The following MGAT5 variants were observed in gnomAD, a reference collection of about 807,000 sequenced individuals.
MGAT5 encodes alpha-1,6-mannosylglycoprotein 6-beta-N-acetylglucosaminyltransferase.
A neutral mutation model predicts 94.3 loss-of-function variants in MGAT5; 30 were observed. That is an observed-to-expected ratio of 0.32 (90% CI 0.24 to 0.43). The LOEUF is 0.43. Among genes scored for constraint, MGAT5 ranks in the 20% least tolerant of loss-of-function variants. The pLI, the probability that MGAT5 is intolerant of heterozygous loss-of-function variation, is 1.00. For missense variants in MGAT5, 691 were observed against 905.5 expected (o/e 0.76, Z 3.04); for synonymous variants, 310 against 322.9 (o/e 0.96, Z 0.43).
intron 1 of MGAT5, among the ~76,000 whole-genome samples, chr2:134,140,273 G>A (rs769493877): frequency 2.6e-5 from 4 of 152,356 alleles, no homozygotes; most frequent in East Asian, 3.9e-4. Context: ...AGAAGGAGGC[G>A]GCCTGGGTGT....
At chr2:134,377,465 A>G (rs574701544) in intron 10 of MGAT5, among the ~76,000 whole-genome samples, 1 of 152,342 alleles carries the variant, frequency 6.6e-6, no homozygotes, top group Non-Finnish European at 1.5e-5. Context: ...AGAGGAGGCC[A>G]GGAAAGTTGG....
rs1488529353 is a variant in MGAT5, at chr2:134,209,141, ATT to A, written c.-142-45112_-142-45111del. Among the ~76,000 whole-genome samples, 6 of 16,082 alleles carry A rather than the reference ATT, an allele frequency of 3.7e-4. 2 individuals carry two copies. Among genetic ancestry groups the A allele is most frequent in the South Asian group, 6.9e-3 (2 of 288 alleles). 10.6% of individuals were successfully genotyped at this position (16,082 alleles called of 152,430 possible). On this transcript the variant is annotated intron_variant, in intron 1 of 16. Coordinates refer to the MGAT5 transcript ENST00000409645. The stretch of plus-strand genomic sequence containing the variant: ...GAGGGATTGTATATAGAACTGGCTT[ATT>A]TTTTTTTTATTTTTTTTTTTTTTTT...
intron 10 of MGAT5, among the ~76,000 whole-genome samples, chr2:134,380,000 A>G (rs1260800612): frequency 6.6e-6 from 1 of 152,242 alleles, no homozygotes; most frequent in Non-Finnish European, 1.5e-5. Flanking sequence ...AATGACATGA[A>G]CAGTGCTTGG....
intron 1 of MGAT5, among the ~76,000 whole-genome samples, chr2:134,135,206 T>C (rs76988276): frequency 0.02 from 3,046 of 152,276 alleles, 101 homozygotes; most frequent in African/African-American, 0.069. Flanking sequence ...TGTTTGAAAT[T>C]GTGTTTAGGT....
chr2:134,130,598 C>G (rs1686105353), intron 1 of MGAT5, among the ~76,000 whole-genome samples: 1 of 151,992 alleles, frequency 6.6e-6, no homozygotes, highest in Middle Eastern at 3.4e-3. Flanking sequence ...TCTAGCTGAT[C>G]TGGTGGGGAC....
chr2:134,265,758 A>G (rs948012726), intron 1 of MGAT5, among the ~76,000 whole-genome samples: 21 of 152,354 alleles, frequency 1.4e-4, no homozygotes, highest in African/African-American at 4.8e-4. Context: ...TATAATAACT[A>G]TAAGACGCAA....
chr2:134,260,446 G>C (rs1038355609), intron 1 of MGAT5, among the ~76,000 whole-genome samples: 1 of 152,306 alleles, frequency 6.6e-6, no homozygotes, highest in Admixed American at 6.5e-5. Context: ...GGCTGCCGAA[G>C]ATTGCTCTGA....
chr2:134,369,012 T>C (rs1680612006), intron 10 of MGAT5, among the ~76,000 whole-genome samples: 1 of 151,768 alleles, frequency 6.6e-6, no homozygotes, highest in African/African-American at 2.4e-5. Context: ...TTGATTCATC[T>C]TGTAATCATA....
rs146926321 is a variant in MGAT5, at chr2:134,428,397, C to T, written c.1827C>T (p.Cys609=). Reference sequence around the variant, plus strand: ...CATACATGCCATATGAATTTACGTGCGAGGGGATGCTACAGAGAATCAATG... The same window carrying T: ...CATACATGCCATATGAATTTACGTGTGAGGGGATGCTACAGAGAATCAATG... The part of the protein sequence containing the change: ...IEPYMPYEFT[C]EGMLQRINAF... The change falls in exon 14 of 16, where the codon TGC becomes TGT. Residue 609 remains cysteine, a synonymous_variant. Transcript: ENST00000281923. 6.7e-5 allele frequency: 108 copies of T among 1,614,008 alleles called. No homozygotes were observed. The African/African-American group carries it at 8.7e-4, about 13-fold the overall frequency.
At chr2:134,425,775 G>A (rs1406842666) in intron 13 of MGAT5, among the ~76,000 whole-genome samples, 3 of 152,158 alleles carry the variant, frequency 2.0e-5, no homozygotes, top group Non-Finnish European at 4.4e-5. Context: ...CTCACAAGGA[G>A]GGAGGCCAAG....
intron 1 of MGAT5, among the ~76,000 whole-genome samples, chr2:134,179,303 G>T (rs998548740): frequency 1.3e-5 from 2 of 152,130 alleles, no homozygotes; most frequent in Admixed American, 1.3e-4. Context: ...GAGAAAATAC[G>T]TTTGCTAGAT....
intron 1 of MGAT5, among the ~76,000 whole-genome samples, chr2:134,132,549 T>C (rs2104919053): frequency 6.6e-6 from 1 of 152,404 alleles, no homozygotes; most frequent in Middle Eastern, 3.4e-3. Context: ...TAAAGTTTTA[T>C]TGGCACATAC....
chr2:134,235,231 T>G (rs549126452), intron 1 of MGAT5, among the ~76,000 whole-genome samples: 32 of 152,240 alleles, frequency 2.1e-4, no homozygotes, highest in South Asian at 4.1e-4. Context: ...TTCTCTTCCC[T>G]CAGTACCCTT....
intron 1 of MGAT5, among the ~76,000 whole-genome samples, chr2:134,140,180 C>G (rs1686595527): frequency 6.6e-6 from 1 of 152,186 alleles, no homozygotes; most frequent in South Asian, 2.1e-4. Flanking sequence ...ATGGTCAGCT[C>G]TCCCCCTGGA....
intron 1 of MGAT5, among the ~76,000 whole-genome samples, chr2:134,135,464 C>A (rs995629255): frequency 2.6e-5 from 4 of 151,874 alleles, no homozygotes; most frequent in Admixed American, 2.6e-4. Context: ...GAGGCAGAGG[C>A]GGGCGGATCA....
chr2:134,426,247 A>C (rs1684584079), intron 13 of MGAT5, among the ~76,000 whole-genome samples: 1 of 137,892 alleles, frequency 7.3e-6, no homozygotes. Context: ...CCGTCCCTCC[A>C]TCTCTCCCTC....
chr2:134,215,346 C>T (rs1047388186), intron 1 of MGAT5, among the ~76,000 whole-genome samples: 1 of 152,136 alleles, frequency 6.6e-6, no homozygotes, highest in South Asian at 2.1e-4. Flanking sequence ...GACTGGATAG[C>T]TTATAAAGAA....
chr2:134,384,353 A>G (rs1259772788), intron 10 of MGAT5, among the ~76,000 whole-genome samples: 1 of 151,888 alleles, frequency 6.6e-6, no homozygotes, highest in Non-Finnish European at 1.5e-5. Flanking sequence ...TTTTTGATTG[A>G]GGGTTTGTTT....
chr2:134,177,510 A>G (rs1688536682), intron 1 of MGAT5, among the ~76,000 whole-genome samples: 1 of 152,218 alleles, frequency 6.6e-6, no homozygotes, highest in Non-Finnish European at 1.5e-5. Context: ...CTGTGTGCCC[A>G]GGAAGATGAC....
Sources: allele counts gnomAD v4.1 joint callset (sites outside exome capture counted in the v4.1 genomes callset), GRCh38; gene constraint gnomAD v4.1.1; transcripts MANE v1.5; gene names NCBI Gene and HGNC (gene_info 2026-07-23, HGNC 2026-07-21).